CHD9: variants seen among roughly 807,000 people sequenced by gnomAD.
The protein encoded by CHD9 is ATP-dependent chromatin remodeler CHD9.
CHD9 carries 77 observed loss-of-function variants against 316.1 expected under a neutral mutation model. The ratio of observed to expected loss-of-function variants is 0.24; its 90% CI spans 0.20 to 0.29. The LOEUF (loss-of-function observed/expected upper bound fraction) is 0.29, where lower values mean the gene tolerates loss of function less well. CHD9 is among the 10% of genes least tolerant of loss of function. The pLI is 1.00. For missense variants in CHD9, 2,763 were observed against 3,438.1 expected (o/e 0.80, Z 4.91); for synonymous variants, 1,129 against 1,158.3 (o/e 0.97, Z 0.51).
At chr16:53,059,018 A>G (rs1282153972) in intron 1 of CHD9, among the ~76,000 whole-genome samples, 1 of 152,076 alleles carries the variant, frequency 6.6e-6, no homozygotes, top group African/African-American at 2.4e-5. Context: ...ATGCCCAGCT[A>G]ATTTTTTAAG....
intron 2 of CHD9, among the ~76,000 whole-genome samples, chr16:53,201,242 A>G (rs1327040433): frequency 3.3e-5 from 5 of 152,232 alleles, no homozygotes; most frequent in African/African-American, 1.2e-4. Flanking sequence ...TTAAAAATAT[A>G]CTTTTGACTT....
At chr16:53,198,320 T>A (rs1171953171) in intron 2 of CHD9, among the ~76,000 whole-genome samples, 2 of 148,456 alleles carry the variant, frequency 1.3e-5, no homozygotes, top group Non-Finnish European at 3.0e-5. Context: ...ATTCAATTTT[T>A]TTTTTTTTTT....
Position 53,157,197 on chromosome 16 carries a change from C to A in CHD9, c.1108C>A (p.Gln370Lys). 1 of 1,606,518 alleles carries A rather than the reference C, an allele frequency of 6.2e-7. No homozygotes were observed. Among genetic ancestry groups the A allele is most frequent in the Admixed American group, 1.7e-5 (1 of 58,696 alleles). The change falls in exon 2 of 39, where the codon CAA (glutamine) becomes AAA (lysine). Residue 370 changes from glutamine (Q) to lysine (K), a missense_variant. Physicochemically the swap from Gln to Lys is moderately conservative, Grantham distance 53. Coordinates refer to ENST00000447540, the MANE Select transcript of CHD9 (RefSeq NM_001308319.2). Reference sequence around the variant, plus strand: ...CCCAGATCCTGTTGACTCAGGAACTCAAATGGGCCATTTCAATGATCATGT... The same window carrying A: ...CCCAGATCCTGTTGACTCAGGAACTAAAATGGGCCATTTCAATGATCATGT... ...NFPDPVDSGT[Q>K]MGHFNDHVET... is the part of the protein sequence containing the mutation.
At chr16:53,321,384 T>A (rs2057264905) in intron 37 of CHD9, 142 bp from the exon 38 acceptor site, 66 of 1,387,882 alleles carry the variant, frequency 4.8e-5, no homozygotes, top group Non-Finnish European at 5.9e-5. Context: ...GTGGGCCTTT[T>A]TAATATAATC....
intron 16 of CHD9, among the ~76,000 whole-genome samples, chr16:53,248,521 T>C (rs1360255691): frequency 1.5e-5 from 2 of 133,818 alleles, no homozygotes; most frequent in Non-Finnish European, 3.1e-5. Flanking sequence ...TTGGTTTTTT[T>C]TTTTGTTTTT....
At chr16:53,261,385 T>TTA (rs1362791276) in intron 19 of CHD9, among the ~76,000 whole-genome samples, 2 of 145,240 alleles carry the variant, frequency 1.4e-5, no homozygotes, top group East Asian at 2.0e-4. Flanking sequence ...TTTTTTTTTT[T>TTA]AGACAGGTTC....
intron 1 of CHD9, among the ~76,000 whole-genome samples, chr16:53,090,719 T>C (rs1212140131): frequency 1.3e-5 from 2 of 152,146 alleles, no homozygotes; most frequent in Admixed American, 1.3e-4. Context: ...CATGAGAATG[T>C]GGGTGTGCGG....
intron 2 of CHD9, among the ~76,000 whole-genome samples, chr16:53,190,899 C>T (rs1471639930): frequency 6.6e-6 from 1 of 151,932 alleles, no homozygotes; most frequent in African/African-American, 2.4e-5. Context: ...TAAAATTAAT[C>T]CTGTTACATA....
chr16:53,299,577 C>T (rs2055161087), intron 30 of CHD9: 1 of 400,696 alleles, frequency 2.5e-6, no homozygotes, highest in South Asian at 2.1e-5. Context: ...GCTATTAACC[C>T]TCCAAAAGCT....
chr16:53,316,919 C>G (rs1597996203), intron 36 of CHD9, among the ~76,000 whole-genome samples: 1 of 152,088 alleles, frequency 6.6e-6, no homozygotes, highest in East Asian at 1.9e-4. Flanking sequence ...AAGAAGATGG[C>G]CGGGTGCGGT....
chr16:53,106,258 A>G (rs1183646224), intron 1 of CHD9, among the ~76,000 whole-genome samples: 6 of 152,222 alleles, frequency 3.9e-5, no homozygotes, highest in Admixed American at 3.9e-4. Context: ...TGATTCTAAA[A>G]TGGTCTGGGA....
chr16:53,199,990 C>T lies in CHD9; in HGVS notation c.1453-9492C>T, dbSNP rs886649838. Among the ~76,000 whole-genome samples the T allele has an allele frequency of 1.1e-4, 16 of 152,098 alleles. No individual in the cohort carries two copies. The South Asian group carries it at 1.5e-3, about 14-fold the overall frequency. On this transcript the variant is annotated intron_variant, in intron 2 of 38. Coordinates refer to ENST00000447540, the MANE Select transcript of CHD9 (RefSeq NM_001308319.2). The stretch of plus-strand genomic sequence containing the variant: ...GTGGCTCATGCCTGTAATCCTAGCA[C>T]TTTGGGAGGCCGAGGCGGGTGGGTC...
In CHD9 at chr16:53,227,533, A is replaced by T; in HGVS notation, c.2113-15A>T. 6.8e-7 allele frequency: 1 copy of T among 1,476,360 alleles called. No individual in the cohort carries two copies. The highest frequency in any genetic ancestry group is 9.1e-7 in the Non-Finnish European group (1 of 1,096,438). 91.5% of individuals were successfully genotyped at this position (1,476,360 alleles called of 1,614,324 possible). On this transcript the variant is annotated splice_polypyrimidine_tract_variant and intron_variant, in intron 6 of 38. Transcript: ENST00000447540. ...CTGTTTAAAAGAGTCACCATTACTG[A>T]TTTTCTTTTCTTAGATATCACCTGG...
chr16:53,063,856 A>G (rs2033225588), intron 1 of CHD9, among the ~76,000 whole-genome samples: 1 of 145,126 alleles, frequency 6.9e-6, no homozygotes, highest in Non-Finnish European at 1.5e-5. Context: ...TTTAAGAAAG[A>G]CAGGATCTCA....
At chr16:53,077,596 G>T (rs1401959387) in intron 1 of CHD9, among the ~76,000 whole-genome samples, 1 of 151,928 alleles carries the variant, frequency 6.6e-6, no homozygotes, top group East Asian at 1.9e-4. Flanking sequence ...CAAAATGCTG[G>T]GATTACAGGT....
intron 3 of CHD9, among the ~76,000 whole-genome samples, chr16:53,216,995 TA>T (rs1388447407): frequency 2.6e-5 from 4 of 152,082 alleles, no homozygotes; most frequent in African/African-American, 9.7e-5. Context: ...AACCAGGAAA[TA>T]AACATTTTAA....
At chr16:53,171,841 CACACACACACACACACACAG>C (rs1466892958) in intron 2 of CHD9, among the ~76,000 whole-genome samples, 15 of 72,876 alleles carry the variant, frequency 2.1e-4, no homozygotes, top group South Asian at 1.3e-3. Flanking sequence ...CACACACACA[CACACACACACACACACACAG>C]ACACACACAC....
intron 1 of CHD9, among the ~76,000 whole-genome samples, chr16:53,104,526 A>G (rs1596999454): frequency 1.3e-5 from 2 of 152,102 alleles, no homozygotes; most frequent in Admixed American, 6.6e-5. Context: ...GAAAGTTACA[A>G]TGGGCTAGGT....
At chr16:53,107,525 T>C (rs2037466790) in intron 1 of CHD9, among the ~76,000 whole-genome samples, 1 of 145,130 alleles carries the variant, frequency 6.9e-6, no homozygotes, top group Non-Finnish European at 1.5e-5. Flanking sequence ...TAAAATAAAA[T>C]TAAAAAATTT....
Sources: allele counts gnomAD v4.1 joint callset (sites outside exome capture counted in the v4.1 genomes callset), GRCh38; gene constraint gnomAD v4.1.1; transcripts MANE v1.5; gene names NCBI Gene and HGNC (gene_info 2026-07-23, HGNC 2026-07-21).